The following CDKAL1 variants were observed in gnomAD, a reference collection of about 807,000 sequenced individuals.
The protein encoded by CDKAL1 is threonylcarbamoyladenosine tRNA methylthiotransferase.
CDKAL1 carries 32 observed loss-of-function variants against 68.2 expected under a neutral mutation model. The ratio of observed to expected loss-of-function variants is 0.47; its 90% CI spans 0.35 to 0.63. The LOEUF is 0.63. Among genes scored for constraint, CDKAL1 ranks in the 30% least tolerant of loss-of-function variants. The probability of loss-of-function intolerance (pLI) is 0.00; values close to 1 mark genes in which losing one functional copy is unlikely to be tolerated. For missense variants in CDKAL1, 606 were observed against 696.7 expected, an observed-to-expected ratio of 0.87 and a Z score of 1.47; for synonymous variants, 234 against 244.3, an observed-to-expected ratio of 0.96 and a Z score of 0.39.
At chr6:20,856,360 A>G (rs12211628) in intron 9 of CDKAL1, among the ~76,000 whole-genome samples, 23,363 of 152,220 alleles carry the variant, frequency 0.15, 2,470 homozygotes, top group African/African-American at 0.29. Context: ...AAAAAGTAGT[A>G]TGGAAAAACC....
intron 15 of CDKAL1, among the ~76,000 whole-genome samples, chr6:21,217,741 A>G (rs904832901): frequency 2.0e-5 from 3 of 151,584 alleles, no homozygotes; most frequent in African/African-American, 4.8e-5. Context: ...CAAGTGATCC[A>G]CCCGCCTCGG....
At chr6:20,601,458 A>G (rs927924764) in intron 4 of CDKAL1, among the ~76,000 whole-genome samples, 1 of 152,136 alleles carries the variant, frequency 6.6e-6, no homozygotes, top group Non-Finnish European at 1.5e-5. Flanking sequence ...TGGGAATGGT[A>G]AGTAGTGATT....
At chr6:20,726,320 A>G (rs1225810990) in intron 5 of CDKAL1, among the ~76,000 whole-genome samples, 3 of 151,960 alleles carry the variant, frequency 2.0e-5, no homozygotes, top group African/African-American at 7.3e-5. Flanking sequence ...TTCTCCATAT[A>G]TCCTACTTTT....
chr6:21,030,380 G>A (rs751175037), intron 11 of CDKAL1, among the ~76,000 whole-genome samples: 36 of 152,124 alleles, frequency 2.4e-4, no homozygotes, highest in Non-Finnish European at 4.6e-4. Context: ...TAATGCATTC[G>A]GGACTTAAAA....
chr6:20,712,821 T>C (rs576566807), intron 5 of CDKAL1, among the ~76,000 whole-genome samples: 2 of 152,214 alleles, frequency 1.3e-5, no homozygotes, highest in East Asian at 3.9e-4. Flanking sequence ...AGTTTTTGTA[T>C]TTTTAGTAGA....
chr6:20,546,163 T>C (rs1763593492), intron 2 of CDKAL1, among the ~76,000 whole-genome samples, 183 bp from the exon 3 acceptor site: 1 of 141,334 alleles, frequency 7.1e-6, no homozygotes, highest in South Asian at 2.6e-4. Context: ...ATTGTGTTTC[T>C]TTTTTCAATA....
At chr6:20,716,531 C>T (rs1052102464) in intron 5 of CDKAL1, among the ~76,000 whole-genome samples, 1 of 146,230 alleles carries the variant, frequency 6.8e-6, no homozygotes, top group Non-Finnish European at 1.5e-5. Context: ...GTAGATTGTG[C>T]AAATGAAAAG....
At chr6:20,711,602 T>C (rs907081049) in intron 5 of CDKAL1, among the ~76,000 whole-genome samples, 1 of 152,218 alleles carries the variant, frequency 6.6e-6, no homozygotes, top group Non-Finnish European at 1.5e-5. Flanking sequence ...GCCTGTATGT[T>C]GCAGAAAACA....
chr6:20,738,952 G>T (rs555924066), intron 5 of CDKAL1, among the ~76,000 whole-genome samples: 1 of 152,202 alleles, frequency 6.6e-6, no homozygotes, highest in Non-Finnish European at 1.5e-5. Flanking sequence ...ATATGTGAGG[G>T]ATAGTCTTGT....
At chr6:20,992,052 T>G (rs1347246250) in intron 10 of CDKAL1, among the ~76,000 whole-genome samples, 1 of 144,386 alleles carries the variant, frequency 6.9e-6, no homozygotes, top group East Asian at 2.0e-4. Context: ...TTTTTTTTTT[T>G]TGAGATACTC....
At chr6:21,139,897 C>T (rs1775813675) in intron 13 of CDKAL1, among the ~76,000 whole-genome samples, 1 of 152,160 alleles carries the variant, frequency 6.6e-6, no homozygotes, top group African/African-American at 2.4e-5. Context: ...GTATTACAAA[C>T]AAAAATACCT....
At chr6:20,834,461 T>C (rs1467781504) in intron 8 of CDKAL1, among the ~76,000 whole-genome samples, 1 of 152,210 alleles carries the variant, frequency 6.6e-6, no homozygotes, top group Non-Finnish European at 1.5e-5. Context: ...GCTTCTGTTT[T>C]CACGAACCTA....
intron 10 of CDKAL1, among the ~76,000 whole-genome samples, chr6:20,997,139 C>T (rs898956797): frequency 1.3e-5 from 2 of 152,120 alleles, no homozygotes; most frequent in South Asian, 4.1e-4. Context: ...AATATAATTT[C>T]TGGCCTTGTA....
At chr6:20,961,451 G>A (rs1355574355) in intron 10 of CDKAL1, among the ~76,000 whole-genome samples, 2 of 152,118 alleles carry the variant, frequency 1.3e-5, no homozygotes, top group African/African-American at 4.8e-5. Flanking sequence ...GGGAGATCAG[G>A]GGGAGGTGGG....
chr6:20,995,172 A>G (rs1767035973), intron 10 of CDKAL1, among the ~76,000 whole-genome samples: 1 of 152,160 alleles, frequency 6.6e-6, no homozygotes, highest in Non-Finnish European at 1.5e-5. Context: ...TGTTTCCACC[A>G]CATCTGCACT....
At chr6:21,153,413 C>A (rs1776507105) in intron 13 of CDKAL1, among the ~76,000 whole-genome samples, 1 of 152,086 alleles carries the variant, frequency 6.6e-6, no homozygotes, top group Non-Finnish European at 1.5e-5. Flanking sequence ...ATGTGACATT[C>A]ATTCAATTAT....
intron 4 of CDKAL1, among the ~76,000 whole-genome samples, chr6:20,556,104 C>T (rs6932320): frequency 0.26 from 39,805 of 151,810 alleles, 5,514 homozygotes; most frequent in Middle Eastern, 0.36. Flanking sequence ...ATCGCTGTCG[C>T]CTGTAATCCC....
intron 8 of CDKAL1, among the ~76,000 whole-genome samples, chr6:20,845,584 G>T (rs1002509266): frequency 2.0e-5 from 3 of 151,784 alleles, no homozygotes; most frequent in South Asian, 2.1e-4. Flanking sequence ...AATTTCTAAG[G>T]TTGTATTTTC....
intron 13 of CDKAL1, among the ~76,000 whole-genome samples, chr6:21,191,143 C>T (rs535040348): frequency 1.3e-5 from 2 of 152,318 alleles, no homozygotes; most frequent in East Asian, 1.9e-4. Flanking sequence ...GTAATGTCTG[C>T]GTTTCTTCAC....
Sources: allele counts gnomAD v4.1 joint callset (sites outside exome capture counted in the v4.1 genomes callset), GRCh38; gene constraint gnomAD v4.1.1; transcripts MANE v1.5; gene names NCBI Gene and HGNC (gene_info 2026-07-23, HGNC 2026-07-21).